XKR3: variants seen among roughly 807,000 people sequenced by gnomAD.
XKR3 encodes the protein XK related 3.
In XKR3, 27 loss-of-function variants were observed where a neutral mutation model predicts 40.3. The ratio of observed to expected loss-of-function variants is 0.67; its 90% confidence interval spans 0.49 to 0.92. The LOEUF (loss-of-function observed/expected upper bound fraction) is 0.92, where lower values mean the gene tolerates loss of function less well. Ranked by LOEUF, XKR3 falls within the 40% of genes least tolerant of loss-of-function variation. XKR3 has a pLI of 0.00. For missense variants in XKR3, 472 were observed against 537.6 expected (o/e 0.88, Z 1.21); for synonymous variants, 193 against 195.4 (o/e 0.99, Z 0.10).
At chr22:16,794,752 G>C (rs1425791924) in intron 3 of XKR3, among the ~76,000 whole-genome samples, 1 of 152,104 alleles carries the variant, frequency 6.6e-6, no homozygotes, top group African/African-American at 2.4e-5. Flanking sequence ...TGAATAAAAA[G>C]ACAAACCCAA....
At chr22:16,809,395 TA>T (rs905782349) in intron 1 of XKR3, among the ~76,000 whole-genome samples, 1 of 152,190 alleles carries the variant, frequency 6.6e-6, no homozygotes, top group Non-Finnish European at 1.5e-5. Context: ...ACACGTGTAT[TA>T]AAAAAACCAT....
chr22:16,791,546 A>T (rs1402321888), intron 3 of XKR3, among the ~76,000 whole-genome samples: 1 of 128,638 alleles, frequency 7.8e-6, no homozygotes, highest in Non-Finnish European at 1.5e-5. Flanking sequence ...TTACCAAAAT[A>T]AAAAAAAAAA....
intron 2 of XKR3, among the ~76,000 whole-genome samples, chr22:16,803,055 G>A (rs537593306): frequency 6.8e-6 from 1 of 146,370 alleles, no homozygotes; most frequent in South Asian, 2.2e-4. Flanking sequence ...TCCATCTTAA[G>A]GTTGGTAGTG....
Position 16,814,407 on chromosome 22 carries a change from G to A in XKR3, c.-10-6324C>T, listed in dbSNP as rs151080548. On this transcript the variant is annotated intron_variant, in intron 1 of 3. Transcript: ENST00000684488. Reference sequence around the variant, plus strand: ...GTGTCAGTACCACACTATCTTTACTGCAGCTTTGTGGTAAATTTTGAATGG... The same window carrying A: ...GTGTCAGTACCACACTATCTTTACTACAGCTTTGTGGTAAATTTTGAATGG... Among the ~76,000 whole-genome samples, 503 of 152,180 alleles carry A rather than the reference G, an allele frequency of 3.3e-3. 3 individuals are homozygous for A. Among genetic ancestry groups the A allele is most frequent in the Non-Finnish European group, 5.1e-3 (345 of 67,980 alleles).
Position 16,783,787 on chromosome 22 carries a change from CTGCCATGG to C in XKR3, c.1204_1211del (p.Pro402ValfsTer10). 1.2e-6 allele frequency: 2 copies of C among 1,614,128 alleles called. No individual in the cohort carries two copies. Among genetic ancestry groups the C allele is most frequent in the Middle Eastern group, 1.6e-4 (1 of 6,062 alleles). ...TACGTCCTGGCAACACTTTGCCTGA[CTGCCATGG>C]GTACAAATACTGATAGAAGAGGAGC... is the stretch of plus-strand genomic sequence containing the variant. On this transcript the variant is annotated frameshift_variant, in exon 4 of 4. Transcript: ENST00000684488. LOFTEE classifies it high-confidence loss of function.
intron 2 of XKR3, among the ~76,000 whole-genome samples, chr22:16,803,048 A>G (rs2060175675): frequency 1.3e-5 from 2 of 150,490 alleles, no homozygotes; most frequent in Non-Finnish European, 3.0e-5. Context: ...ATGTCAATCC[A>G]TCTTAAGGTT....
At position 16,799,970 on chromosome 22, in the gene XKR3, C is replaced by T. The variant is rs1369856553; in HGVS notation, c.390G>A (p.Glu130=). 1.9e-6 allele frequency: 3 copies of T among 1,614,136 alleles called. No individual in the cohort carries two copies. The highest frequency in any genetic ancestry group is 2.2e-5 in the East Asian group (1 of 44,872). Residue 130 remains glutamate (E), a synonymous_variant, in exon 3 of 4, where the codon GAG becomes GAA. Coordinates refer to ENST00000684488, the MANE Select transcript of XKR3 (RefSeq NM_001386955.1). The stretch of plus-strand genomic sequence containing the variant: ...TGATGCTAACTTGAGTCTCTTCCTT[C>T]TCCTGTTTAAGATTTTTCAACCATT... ...YHKWLKNLKQ[E]KEETQVSITK...
intron 3 of XKR3, among the ~76,000 whole-genome samples, chr22:16,799,429 A>AAAAAAAAAAAAAAAAAAAAAAAAAAAAAC (rs2060157651): frequency 6.8e-6 from 1 of 147,102 alleles, no homozygotes; most frequent in African/African-American, 2.5e-5. Flanking sequence ...AAAAAAAAAA[A>AAAAAAAAAAAAAAAAAAAAAAAAAAAAAC]AAAAAGCAAT....
At position 16,806,414 on chromosome 22, in the gene XKR3, A is replaced by G. The variant is rs539971088; in HGVS notation, c.335+1325T>C. 1.3e-4 allele frequency among the ~76,000 whole-genome samples: 19 copies of G among 151,740 alleles called. No individual in the cohort carries two copies. In the East Asian group the frequency reaches 3.7e-3, roughly 29 times the overall value. ...ACATGTTTATATAATTCATATATAAACATGTATTTCCATTTTATAATGCAG... is the reference window on the plus strand; with the variant it reads ...ACATGTTTATATAATTCATATATAAGCATGTATTTCCATTTTATAATGCAG... On this transcript the variant is annotated intron_variant, in intron 2 of 3. Transcript: ENST00000684488.
At chr22:16,792,990 T>C (rs1938514657) in intron 3 of XKR3, among the ~76,000 whole-genome samples, 1 of 152,200 alleles carries the variant, frequency 6.6e-6, no homozygotes, top group Non-Finnish European at 1.5e-5. Context: ...ACATTCCTGC[T>C]GACTATTTTT....
At chr22:16,815,535 TA>T (rs2060229789) in intron 1 of XKR3, among the ~76,000 whole-genome samples, 1 of 152,044 alleles carries the variant, frequency 6.6e-6, no homozygotes, top group South Asian at 2.1e-4. Context: ...TGAAATTATC[TA>T]TCTAAAACTT....
chr22:16,795,502 G>A (rs2060136659), intron 3 of XKR3, among the ~76,000 whole-genome samples: 1 of 152,126 alleles, frequency 6.6e-6, no homozygotes, highest in Non-Finnish European at 1.5e-5. Context: ...AGAACTGGGA[G>A]GGAGGGGGAA....
At chr22:16,795,721 C>T (rs796151359) in intron 3 of XKR3, among the ~76,000 whole-genome samples, 54 of 151,664 alleles carry the variant, frequency 3.6e-4, no homozygotes, top group African/African-American at 1.1e-3. Context: ...AATCCCAGTA[C>T]TTTCAGAGGT....
At chr22:16,787,177 T>C (rs1157362564) in intron 3 of XKR3, among the ~76,000 whole-genome samples, 1 of 151,194 alleles carries the variant, frequency 6.6e-6, no homozygotes, top group Non-Finnish European at 1.5e-5. Context: ...CAATTAAAAA[T>C]ATACAGTCAG....
Position 16,783,568 on chromosome 22 carries a change from G to A in XKR3, c.*51C>T, listed in dbSNP as rs1322330816. Reference sequence around the variant, plus strand: ...TTTAAATTTAAGAGCCTCTTAACAAGTCACATTCAGCATCTTTACTCATTG... The same window carrying A: ...TTTAAATTTAAGAGCCTCTTAACAAATCACATTCAGCATCTTTACTCATTG... On this transcript the variant is annotated 3_prime_UTR_variant, in exon 4 of 4. Coordinates refer to ENST00000684488, the MANE Select transcript of XKR3 (RefSeq NM_001386955.1). The A allele has an allele frequency of 2.1e-6, 3 of 1,403,488 alleles. No individual in the cohort carries two copies. In the African/African-American group the frequency reaches 4.3e-5, roughly 20 times the overall value. The allele number at this position is 1,403,488 out of a possible 1,614,324, so 86.9% of individuals were successfully genotyped here. A position where few individuals can be genotyped will look rare whatever the true frequency, so the allele number is the denominator to read the frequency against.
intron 3 of XKR3, 137 bp from the exon 4 acceptor site, chr22:16,784,546 G>A: frequency 2.3e-6 from 2 of 884,240 alleles, no homozygotes; most frequent in South Asian, 1.9e-5. Flanking sequence ...TAAAAAGAAA[G>A]GTTTGTTAAT....
chr22:16,800,093 T>C, intron 2 of XKR3, 69 bp from the exon 3 acceptor site: 1 of 1,542,974 alleles, frequency 6.5e-7, no homozygotes, highest in Non-Finnish European at 8.7e-7. Flanking sequence ...ATTTGAAAGT[T>C]TATCAGGAGA....
chr22:16,790,885 A>G (rs1432898613), intron 3 of XKR3, among the ~76,000 whole-genome samples: 6 of 113,222 alleles, frequency 5.3e-5, no homozygotes, highest in Non-Finnish European at 1.1e-4. Flanking sequence ...AAAAAGAAAA[A>G]AGAAACGTTG....
At chr22:16,791,763 G>T (rs2060117949) in intron 3 of XKR3, among the ~76,000 whole-genome samples, 1 of 81,916 alleles carries the variant, frequency 1.2e-5, no homozygotes, top group Non-Finnish European at 2.4e-5. Context: ...GAGAGAGGGA[G>T]AGAGGGAGAG....
Sources: gnomAD v4.1 joint callset for allele counts (sites outside exome capture counted in the v4.1 genomes callset) on GRCh38, gnomAD v4.1.1 for gene constraint, MANE v1.5 for transcripts, NCBI Gene and HGNC (gene_info 2026-07-23, HGNC 2026-07-21) for gene names.